Variants in TTPA observed in about 807,000 individuals in gnomAD.
The protein encoded by TTPA is alpha-tocopherol transfer protein.
TTPA carries 23 observed loss-of-function variants against 25.9 expected under a neutral mutation model. The ratio of observed to expected loss-of-function variants is 0.89; its 90% confidence interval spans 0.64 to 1.26. TTPA has a LOEUF of 1.26. Among genes scored for constraint, TTPA ranks in the 50% most tolerant of loss-of-function variants. The probability of loss-of-function intolerance (pLI) is 0.00; values close to 1 mark genes in which losing one functional copy is unlikely to be tolerated. For synonymous variants in TTPA, 148 were observed against 137.3 expected, an observed-to-expected ratio of 1.08 and a Z score of -0.54; for missense variants, 337 against 353.1, an observed-to-expected ratio of 0.95 and a Z score of 0.37.
At chr8:63,075,698 C>CAAAAAA (rs751066913) in intron 1 of TTPA, among the ~76,000 whole-genome samples, 26 of 56,830 alleles carry the variant, frequency 4.6e-4, no homozygotes, top group Middle Eastern at 0.013. Flanking sequence ...GACTCCGTCT[C>CAAAAAA]AAAAAAAAAA....
intron 2 of TTPA, among the ~76,000 whole-genome samples, chr8:63,068,405 A>G (rs1455475793): frequency 1.3e-5 from 2 of 152,228 alleles, no homozygotes; most frequent in African/African-American, 4.8e-5. Flanking sequence ...AGGATTTTTC[A>G]AGAAAGCAGA....
At chr8:63,067,950 T>C (rs915613271) in intron 2 of TTPA, among the ~76,000 whole-genome samples, 7 of 152,168 alleles carry the variant, frequency 4.6e-5, no homozygotes, top group African/African-American at 1.4e-4. Flanking sequence ...ATAATGTCAT[T>C]CGTTTTATGG....
chr8:63,080,987 A>T (rs896497990), intron 1 of TTPA, among the ~76,000 whole-genome samples: 8 of 151,620 alleles, frequency 5.3e-5, no homozygotes, highest in African/African-American at 1.9e-4. Context: ...AGGCTCTGAA[A>T]TTGAGGCAAT....
At position 63,085,869 on chromosome 8, in the gene TTPA, G is replaced by A. The variant is rs1445148889; in HGVS notation, c.153C>T (p.Phe51=). Residue 51 remains phenylalanine, a synonymous_variant, in exon 1 of 5, where the codon TTC becomes TTT. Coordinates refer to ENST00000260116, the MANE Select transcript of TTPA (RefSeq NM_000370.3). ...PLAPLPLTDS[F]LLRFLRARDF... ...CCCGGGCGCGCAGGAACCGCAGCAG[G>A]AAGGAGTCGGTGAGCGGCAGCGGCG... 1 of 1,534,930 alleles carries A rather than the reference G, an allele frequency of 6.5e-7. No homozygotes were observed. The highest frequency in any genetic ancestry group is 1.2e-5 in the South Asian group (1 of 83,582).
chr8:63,067,043 C>A (rs139058324), intron 2 of TTPA, among the ~76,000 whole-genome samples: 1 of 151,436 alleles, frequency 6.6e-6, no homozygotes, highest in African/African-American at 2.4e-5. Context: ...TAGCAAGAAC[C>A]GGTCTGTAAA....
chr8:63,072,003 G>A (rs1585690862), intron 2 of TTPA, among the ~76,000 whole-genome samples: 2 of 152,326 alleles, frequency 1.3e-5, no homozygotes, highest in East Asian at 3.9e-4. Flanking sequence ...ATAAACAGGA[G>A]TTAATGGAAT....
chr8:63,082,335 C>T (rs1254816518), intron 1 of TTPA, among the ~76,000 whole-genome samples: 1 of 152,088 alleles, frequency 6.6e-6, no homozygotes, highest in Admixed American at 6.5e-5. Flanking sequence ...AGAAATAACA[C>T]CACACATCTA....
intron 1 of TTPA, among the ~76,000 whole-genome samples, chr8:63,078,233 C>A (rs566679939): frequency 7.2e-5 from 11 of 152,262 alleles, no homozygotes; most frequent in African/African-American, 2.6e-4. Context: ...TGGGGAGAAA[C>A]CAGAGCAGAA....
intron 2 of TTPA, among the ~76,000 whole-genome samples, chr8:63,066,845 A>C (rs1805398680): frequency 6.6e-6 from 1 of 152,172 alleles, no homozygotes; most frequent in Admixed American, 6.5e-5. Context: ...ACACAAAGAG[A>C]GGGAAACCAA....
At chr8:63,061,973 C>A (rs548252132) in intron 4 of TTPA, among the ~76,000 whole-genome samples, 1 of 152,112 alleles carries the variant, frequency 6.6e-6, no homozygotes, top group African/African-American at 2.4e-5. Flanking sequence ...GAGGCCAAGG[C>A]AGGTGGATTA....
At chr8:63,082,389 G>A (rs537009237) in intron 1 of TTPA, among the ~76,000 whole-genome samples, 48 of 152,182 alleles carry the variant, frequency 3.2e-4, no homozygotes, top group African/African-American at 1.2e-3. Flanking sequence ...CAAAAAATGG[G>A]GAAAGGATTC....
chr8:63,061,502 GT>G, intron 4 of TTPA, 77 bp from the exon 5 acceptor site: 1 of 1,331,662 alleles, frequency 7.5e-7, no homozygotes, highest in Admixed American at 1.8e-5. Flanking sequence ...ATAAAACAAG[GT>G]ATTCTAATAA....
Position 63,061,169 on chromosome 8 carries a change from G to A in TTPA, c.*83C>T. ...AGGCAAGCATTAGTTTAAAAGATTT[G>A]CTCCTTTTCTTTCATTCATTTAACC... On this transcript the variant is annotated 3_prime_UTR_variant, in exon 5 of 5. Coordinates refer to ENST00000260116, the MANE Select transcript of TTPA (RefSeq NM_000370.3). 7.3e-7 allele frequency: 1 copy of A among 1,378,116 alleles called. No homozygotes were observed. The highest frequency in any genetic ancestry group is 1.2e-5 in the South Asian group (1 of 83,700). 85.4% of individuals were successfully genotyped at this position (1,378,116 alleles called of 1,614,324 possible).
downstream of TTPA, among the ~76,000 whole-genome samples, chr8:63,058,952 C>T (rs1259214898): frequency 6.9e-6 from 1 of 144,114 alleles, no homozygotes; most frequent in African/African-American, 2.5e-5. Flanking sequence ...TTTAATTATA[C>T]AATTTTAAAT....
intron 4 of TTPA, 97 bp downstream of exon 4, chr8:63,064,109 G>T: frequency 2.4e-6 from 2 of 816,858 alleles, no homozygotes; most frequent in Non-Finnish European, 4.1e-6. Context: ...TGATATAGAT[G>T]GGCAGGTACG....
At chr8:63,070,848 T>C (rs1040489879) in intron 2 of TTPA, among the ~76,000 whole-genome samples, 6 of 152,222 alleles carry the variant, frequency 3.9e-5, no homozygotes, top group Non-Finnish European at 8.8e-5. Flanking sequence ...GTTTCAGTTT[T>C]ATGTTTCTTG....
Position 63,060,966 on chromosome 8 carries a change from G to C in TTPA, c.*286C>G, listed in dbSNP as rs886063068. On this transcript the variant is annotated 3_prime_UTR_variant, in exon 5 of 5. Coordinates refer to ENST00000260116, the MANE Select transcript of TTPA (RefSeq NM_000370.3). ...AAACATACAAAGATGCACATGAGCA[G>C]CTACTTTAGCAATAACTTTCATGTT... 5 of 303,218 alleles carry C rather than the reference G, an allele frequency of 1.6e-5. No homozygotes were observed. The highest frequency in any genetic ancestry group is 4.6e-5 in the Admixed American group (1 of 21,906). 18.8% of individuals were successfully genotyped at this position (303,218 alleles called of 1,614,324 possible). A position where few individuals can be genotyped will look rare whatever the true frequency, so the allele number is the denominator to read the frequency against.
At chr8:63,074,358 T>TCACCC (rs1035529727) in intron 1 of TTPA, among the ~76,000 whole-genome samples, 4 of 152,190 alleles carry the variant, frequency 2.6e-5, no homozygotes, top group African/African-American at 9.7e-5. Flanking sequence ...CTGCTCCCCC[T>TCACCC]CACCCCCATC....
intron 1 of TTPA, among the ~76,000 whole-genome samples, chr8:63,080,770 A>G (rs1805651732): frequency 6.6e-6 from 1 of 150,980 alleles, no homozygotes. Context: ...AAAAGAGAGA[A>G]GAATCAAGTA....
Sources: allele counts gnomAD v4.1 joint callset (sites outside exome capture counted in the v4.1 genomes callset), GRCh38; gene constraint gnomAD v4.1.1; transcripts MANE v1.5; gene names NCBI Gene and HGNC (gene_info 2026-07-23, HGNC 2026-07-21).